The following ZNF446 variants were observed in gnomAD, a reference collection of about 807,000 sequenced individuals.
ZNF446 encodes the protein zinc finger protein 446.
In ZNF446, 42 loss-of-function variants were observed where a neutral mutation model predicts 34.0. The ratio of observed to expected loss-of-function variants is 1.23; its 90% CI spans 0.96 to 1.60. The LOEUF (loss-of-function observed/expected upper bound fraction) is 1.60. Among genes scored for constraint, ZNF446 ranks in the 40% most tolerant of loss-of-function variants. The probability of loss-of-function intolerance (pLI) is 0.00; values close to 1 mark genes in which losing one functional copy is unlikely to be tolerated. For synonymous variants in ZNF446, 315 were observed against 251.0 expected (o/e 1.25, Z -2.41); for missense variants, 650 against 600.2 (o/e 1.08, Z -0.87).
chr19:58,485,805 CCT>C (rs1217061884), downstream of ZNF446, among the ~76,000 whole-genome samples: 1 of 152,132 alleles, frequency 6.6e-6, no homozygotes, highest in Non-Finnish European at 1.5e-5. Context: ...GTGTCAAACT[CCT>C]AGCCTCAAGC....
chr19:58,480,155 C>T lies in ZNF446; in HGVS notation c.803-21C>T, dbSNP rs200159196. 1 of 1,585,596 alleles carries T rather than the reference C, an allele frequency of 6.3e-7. No homozygotes were observed. Among genetic ancestry groups the T allele is most frequent in the South Asian group, 1.1e-5 (1 of 89,752 alleles). ...GGGGTTGCTGAGTGCCGGGACTCAC[C>T]TGGTTTGCCCCTGCCCCCAGGAAAT... is the stretch of plus-strand genomic sequence containing the variant. On this transcript the variant is annotated intron_variant, in intron 6 of 6. Coordinates refer to ENST00000594369, the MANE Select transcript of ZNF446 (RefSeq NM_017908.4). The surrounding 1 kb of genome is among the most constrained non-coding windows in gnomAD (Gnocchi z 7.2).
the ZNF446 span, among the ~76,000 whole-genome samples, chr19:58,487,157 A>G: frequency 6.6e-6 from 1 of 152,192 alleles, no homozygotes; most frequent in Non-Finnish European, 1.5e-5. Flanking sequence ...AATAACAAGT[A>G]TTGGTTAGGC....
At chr19:58,487,090 C>T in the ZNF446 span, among the ~76,000 whole-genome samples, 681 of 152,152 alleles carry the variant, frequency 4.5e-3, 2 homozygotes, top group African/African-American at 0.016. Context: ...TGCGCCTGGC[C>T]GAAAATGATT....
chr19:58,487,574 C>T, the ZNF446 span, among the ~76,000 whole-genome samples: 13 of 152,122 alleles, frequency 8.5e-5, no homozygotes, highest in South Asian at 1.9e-3. Context: ...TTTGGGAGGT[C>T]GAGGCAGGGG....
chr19:58,483,868 C>T (rs1294339726), downstream of ZNF446: 3 of 152,060 alleles, frequency 2.0e-5, no homozygotes, highest in Admixed American at 1.3e-4. Flanking sequence ...TCTTTTCATG[C>T]CTGGATGAAT....
At position 58,479,876 on chromosome 19, in the gene ZNF446, C is replaced by T. The variant is rs750501487; in HGVS notation, c.713-54C>T. The stretch of plus-strand genomic sequence containing the variant: ...CACCCTGTCACCTACCAGAACCGAC[C>T]CCACCCCTCCTTCATGCAAACCCCA... On this transcript the variant is annotated intron_variant, in intron 5 of 6. Coordinates refer to ENST00000594369, the MANE Select transcript of ZNF446 (RefSeq NM_017908.4). 21 of 1,430,214 alleles carry T rather than the reference C, an allele frequency of 1.5e-5. No homozygotes were observed. The East Asian group carries it at 4.6e-4, about 32-fold the overall frequency. 88.6% of individuals were successfully genotyped at this position (1,430,214 alleles called of 1,614,324 possible).
chr19:58,480,063 CG>C lies in ZNF446; in HGVS notation c.802+46del. ...CCAGCCTGAATCACCCCTCCTGTAT[CG>C]GTGGGACCTGAGCCACCCACTCATG... is the stretch of plus-strand genomic sequence containing the variant. On this transcript the variant is annotated intron_variant, in intron 6 of 6. Coordinates refer to ENST00000594369, the MANE Select transcript of ZNF446 (RefSeq NM_017908.4). This position sits in a 1 kb window ranked among gnomAD's most constrained non-coding sequence, Gnocchi z 7.2. 1 of 1,560,638 alleles carries C rather than the reference CG, an allele frequency of 6.4e-7. No homozygotes were observed. The highest frequency in any genetic ancestry group is 8.6e-7 in the Non-Finnish European group (1 of 1,158,722).
downstream of ZNF446, among the ~76,000 whole-genome samples, chr19:58,481,400 G>T (rs187700641): frequency 2.0e-5 from 3 of 152,096 alleles, no homozygotes; most frequent in African/African-American, 7.2e-5. Context: ...GCTCCTTGCC[G>T]CCCACATCAC....
rs2053103471 is a variant in ZNF446 at position 58,477,903 on chromosome 19, G to A, written c.532+77G>A. ...ATTCCTGGCTAGGGTGGGAGTCCCA[G>A]GAGAGGTGTGTCAAGGCTGGGACTC... is the stretch of plus-strand genomic sequence containing the variant. On this transcript the variant is annotated intron_variant, in intron 3 of 6. Coordinates refer to ENST00000594369, the MANE Select transcript of ZNF446 (RefSeq NM_017908.4). 7 of 1,422,186 alleles carry A rather than the reference G, an allele frequency of 4.9e-6. No individual in the cohort carries two copies. The South Asian group carries it at 7.2e-5, about 15-fold the overall frequency. 88.1% of individuals were successfully genotyped at this position (1,422,186 alleles called of 1,614,324 possible).
chr19:58,482,195 C>G (rs1276269455), downstream of ZNF446, among the ~76,000 whole-genome samples: 8 of 150,030 alleles, frequency 5.3e-5, 2 homozygotes, highest in South Asian at 1.7e-3. Context: ...CACGTTCCCC[C>G]TTTTTTTTTT....
downstream of ZNF446, among the ~76,000 whole-genome samples, chr19:58,484,465 C>CA (rs762913939): frequency 0.056 from 5,437 of 97,258 alleles, 284 homozygotes; most frequent in African/African-American, 0.15. Context: ...GACTCCATCT[C>CA]AAAAAAAAAA....
the ZNF446 span, among the ~76,000 whole-genome samples, chr19:58,489,243 A>G: frequency 6.6e-6 from 1 of 152,000 alleles, no homozygotes; most frequent in Non-Finnish European, 1.5e-5. Context: ...GAAGATTCTG[A>G]CCCTCCCTCA....
rs577595268 is a variant in ZNF446 at position 58,477,764 on chromosome 19, A to G, written c.470A>G (p.Glu157Gly). The part of the protein sequence containing the change: ...PGEGPQDTRI[E>G]GSVQLSCSVK... ...GAAGGTCCCCAGGACACCAGAATAG[A>G]GGGGTCTGTCCAGCTCAGCTGCAGT... The change falls in exon 3 of 7, where the codon GAG becomes GGG. Residue 157 changes from glutamate to glycine, a missense_variant. Glu to Gly is a moderately conservative substitution (Grantham distance 98). Transcript: ENST00000594369. 57 of 1,610,918 alleles carry G rather than the reference A, an allele frequency of 3.5e-5. No homozygotes were observed. Among genetic ancestry groups the G allele is most frequent in the Non-Finnish European group, 4.4e-5 (52 of 1,178,736 alleles).
the ZNF446 span, among the ~76,000 whole-genome samples, chr19:58,486,834 A>G: frequency 8.0e-5 from 12 of 150,234 alleles, no homozygotes; most frequent in African/African-American, 2.5e-4. Flanking sequence ...ACGGAGTCTC[A>G]CTCTGTCGCC....
At chr19:58,486,092 T>C (rs571631727), downstream of ZNF446, among the ~76,000 whole-genome samples, 5 of 141,974 alleles carry the variant, frequency 3.5e-5, no homozygotes, top group South Asian at 2.4e-4. Context: ...AACTTTCTTT[T>C]TTTTTTTTTT....
At chr19:58,482,449 G>T (rs1022548060), downstream of ZNF446, among the ~76,000 whole-genome samples, 2 of 152,048 alleles carry the variant, frequency 1.3e-5, no homozygotes, top group Non-Finnish European at 2.9e-5. Context: ...TTCCTACTCT[G>T]AAAACAAGGG....
At chr19:58,477,057 C>G (rs940026474) in intron 1 of ZNF446, 122 bp from the exon 2 acceptor site, 1 of 630,302 alleles carries the variant, frequency 1.6e-6, no homozygotes, top group African/African-American at 1.8e-5. Context: ...CTTTCTTGGC[C>G]TTATCTCTTC....
chr19:58,485,923 G>T (rs1033250980), downstream of ZNF446, among the ~76,000 whole-genome samples: 2 of 151,642 alleles, frequency 1.3e-5, no homozygotes, highest in Admixed American at 1.3e-4. Context: ...ACTTTGTTTT[G>T]TTTTTGTTTG....
At chr19:58,482,944 CTTTT>C (rs1398949788), downstream of ZNF446, among the ~76,000 whole-genome samples, 1 of 152,166 alleles carries the variant, frequency 6.6e-6, no homozygotes, top group Non-Finnish European at 1.5e-5. Flanking sequence ...TTTAAATAAA[CTTTT>C]TCACATTTAG....
Sources: gnomAD v4.1 joint callset for allele counts (sites outside exome capture counted in the v4.1 genomes callset) on GRCh38, gnomAD v4.1.1 for gene constraint, Gnocchi (gnomAD v3.1) non-coding constraint, MANE v1.5 for transcripts, NCBI Gene and HGNC (gene_info 2026-07-23, HGNC 2026-07-21) for gene names.